SLC2A13: variants seen among roughly 807,000 people sequenced by gnomAD.
SLC2A13 encodes solute carrier family 2 member 13.
SLC2A13 carries 32 observed loss-of-function variants against 64.4 expected under a neutral mutation model. The observed-to-expected ratio is 0.50, with a 90% confidence interval of 0.37 to 0.67. SLC2A13 has a LOEUF of 0.67. Ranked by LOEUF, SLC2A13 falls within the 30% of genes least tolerant of loss-of-function variation. The probability of loss-of-function intolerance (pLI) is 0.00; values close to 1 mark genes in which losing one functional copy is unlikely to be tolerated. For synonymous variants in SLC2A13, 338 were observed against 327.1 expected (o/e 1.03, Z -0.36); for missense variants, 743 against 829.2 (o/e 0.90, Z 1.28).
chr12:39,843,521 T>A (rs993428816), intron 6 of SLC2A13, among the ~76,000 whole-genome samples: 1 of 152,080 alleles, frequency 6.6e-6, no homozygotes, highest in Non-Finnish European at 1.5e-5. Context: ...CTACTTGCCC[T>A]CCATTTCAAG....
In SLC2A13 at chr12:39,760,049, T is replaced by C. The variant is rs918941302; in HGVS notation, c.1924A>G (p.Asn642Asp). 3 of 1,612,350 alleles carry C rather than the reference T, an allele frequency of 1.9e-6. No individual in the cohort carries two copies. The highest frequency in any genetic ancestry group is 2.5e-6 in the Non-Finnish European group (3 of 1,178,976). The stretch of plus-strand genomic sequence containing the variant: ...AATTATTCCACATCAGAAGCATCAT[T>C]GTCAGAAAGATGATAGTTACTTCCC... ...VKGSNYHLSD[N>D]DASDVE The change falls in exon 10 of 10, where the codon AAT becomes GAT. Residue 642 changes from asparagine (N) to aspartate (D), a missense_variant. Transcript: ENST00000280871.
chr12:40,020,684 GA>G (rs34448832), intron 3 of SLC2A13, among the ~76,000 whole-genome samples: 27 of 146,332 alleles, frequency 1.8e-4, no homozygotes, highest in Middle Eastern at 3.5e-3. Flanking sequence ...TTTGAGGTGG[GA>G]AAAAAAAAAG....
chr12:39,995,458 C>A (rs1947210908), intron 3 of SLC2A13, among the ~76,000 whole-genome samples: 2 of 152,154 alleles, frequency 1.3e-5, no homozygotes. Context: ...CTCTCTACCT[C>A]CATGAAGTCC....
At chr12:39,906,029 C>T (rs1448894793) in intron 4 of SLC2A13, among the ~76,000 whole-genome samples, 1 of 152,106 alleles carries the variant, frequency 6.6e-6, no homozygotes, top group African/African-American at 2.4e-5. Context: ...ATCTGTAAAA[C>T]ACCATAAATG....
At chr12:39,864,938 G>T in intron 5 of SLC2A13, 56 bp from the exon 6 acceptor site, 1 of 1,486,776 alleles carries the variant, frequency 6.7e-7, no homozygotes, top group Non-Finnish European at 9.0e-7. Flanking sequence ...TTTTAAGGCA[G>T]ACTGGGTTTG....
At chr12:39,801,096 T>C (rs1337810185) in intron 7 of SLC2A13, among the ~76,000 whole-genome samples, 1 of 44,542 alleles carries the variant, frequency 2.2e-5, no homozygotes, top group African/African-American at 9.4e-5. Context: ...GGGACTGTGG[T>C]GGGGTCAGGG....
intron 7 of SLC2A13, among the ~76,000 whole-genome samples, chr12:39,805,249 C>T (rs983674925): frequency 6.6e-6 from 1 of 152,146 alleles, no homozygotes; most frequent in Non-Finnish European, 1.5e-5. Flanking sequence ...GAGTGTTGAA[C>T]AGAAAGTGGT....
intron 4 of SLC2A13, among the ~76,000 whole-genome samples, chr12:39,887,440 T>A (rs550345215): frequency 6.6e-6 from 1 of 151,848 alleles, no homozygotes; most frequent in Non-Finnish European, 1.5e-5. Flanking sequence ...TCAATGAAAA[T>A]ACACCCAGAG....
chr12:40,096,086 A>AT (rs751983372), intron 1 of SLC2A13, among the ~76,000 whole-genome samples: 1,722 of 141,082 alleles, frequency 0.012, 17 homozygotes, highest in African/African-American at 0.029. Context: ...CGCCTGGCTA[A>AT]TTTTTTTTTT....
chr12:39,797,747 C>T (rs991953519), intron 7 of SLC2A13, among the ~76,000 whole-genome samples: 9 of 151,874 alleles, frequency 5.9e-5, no homozygotes, highest in Non-Finnish European at 7.4e-5. Flanking sequence ...CACACACACA[C>T]ACACACACAC....
At chr12:39,933,139 G>A (rs1407221714) in intron 4 of SLC2A13, among the ~76,000 whole-genome samples, 1 of 152,202 alleles carries the variant, frequency 6.6e-6, no homozygotes, top group Admixed American at 6.5e-5. Context: ...TGAGGCAGGA[G>A]AATCAGTTGA....
chr12:40,050,009 T>A (rs1285676284), intron 1 of SLC2A13, among the ~76,000 whole-genome samples: 1 of 152,086 alleles, frequency 6.6e-6, no homozygotes, highest in East Asian at 1.9e-4. Context: ...CACAATTAAA[T>A]CATCACCTAA....
At chr12:40,091,189 T>C (rs1344579424) in intron 1 of SLC2A13, among the ~76,000 whole-genome samples, 1 of 152,220 alleles carries the variant, frequency 6.6e-6, no homozygotes, top group Non-Finnish European at 1.5e-5. Context: ...TATAATCTTA[T>C]GGGACCACCA....
chr12:39,972,951 C>A (rs1215646385), intron 3 of SLC2A13, among the ~76,000 whole-genome samples: 2 of 152,034 alleles, frequency 1.3e-5, no homozygotes, highest in Admixed American at 1.3e-4. Flanking sequence ...CCTGTAATCC[C>A]AGCTACTCAG....
intron 1 of SLC2A13, among the ~76,000 whole-genome samples, chr12:40,053,072 G>C (rs1948284819): frequency 6.6e-6 from 1 of 151,996 alleles, no homozygotes; most frequent in South Asian, 2.1e-4. Flanking sequence ...CATGAGGTCA[G>C]GAGATTGAGA....
intron 1 of SLC2A13, among the ~76,000 whole-genome samples, chr12:40,072,976 G>A (rs966485945): frequency 4.0e-5 from 6 of 151,652 alleles, no homozygotes; most frequent in African/African-American, 1.2e-4. Context: ...AGCATTTTAC[G>A]TGATTTTATC....
At chr12:39,924,482 A>AT (rs1176773156) in intron 4 of SLC2A13, among the ~76,000 whole-genome samples, 6 of 145,332 alleles carry the variant, frequency 4.1e-5, no homozygotes, top group Non-Finnish European at 9.1e-5. Flanking sequence ...TTCTTCCTTC[A>AT]TTTTTTTTCT....
chr12:39,769,989 T>C (rs1172003106), intron 7 of SLC2A13, among the ~76,000 whole-genome samples: 1 of 152,116 alleles, frequency 6.6e-6, no homozygotes, highest in African/African-American at 2.4e-5. Flanking sequence ...TTGATTACTC[T>C]GTGGTGCTTG....
chr12:39,985,140 GA>G (rs1294274825), intron 3 of SLC2A13, among the ~76,000 whole-genome samples: 1 of 152,050 alleles, frequency 6.6e-6, no homozygotes, highest in African/African-American at 2.4e-5. Context: ...TACAAAAAAT[GA>G]AAAACAAAGG....
Sources: gnomAD v4.1 joint callset for allele counts (sites outside exome capture counted in the v4.1 genomes callset) on GRCh38, gnomAD v4.1.1 for gene constraint, MANE v1.5 for transcripts, NCBI Gene and HGNC (gene_info 2026-07-23, HGNC 2026-07-21) for gene names.